HPSE2: variants seen among roughly 807,000 people sequenced by gnomAD.
The protein encoded by HPSE2 is inactive heparanase-2.
A neutral mutation model predicts 60.5 loss-of-function variants in HPSE2; 38 were observed. That is an observed-to-expected ratio of 0.63 (90% CI 0.48 to 0.82). The LOEUF is 0.82. HPSE2 is among the 40% of genes least tolerant of loss of function. The pLI, the probability that HPSE2 is intolerant of heterozygous loss-of-function variation, is 0.00. For missense variants in HPSE2, 713 were observed against 740.4 expected (o/e 0.96, Z 0.43); for synonymous variants, 295 against 293.2 (o/e 1.01, Z -0.06).
intron 6 of HPSE2, among the ~76,000 whole-genome samples, chr10:98,649,127 T>A (rs530142578): frequency 6.6e-6 from 1 of 152,294 alleles, no homozygotes; most frequent in African/African-American, 2.4e-5. Context: ...TTTAAAAAAC[T>A]CAGTGTTTGT....
At chr10:98,908,670 C>T (rs955153078) in intron 3 of HPSE2, among the ~76,000 whole-genome samples, 26 of 102,410 alleles carry the variant, frequency 2.5e-4, no homozygotes, top group African/African-American at 9.1e-4. Flanking sequence ...GCAACAAGAG[C>T]GTAGCTCCAT....
chr10:98,791,129 T>C (rs886278807), intron 3 of HPSE2, among the ~76,000 whole-genome samples: 1 of 152,238 alleles, frequency 6.6e-6, no homozygotes, highest in Non-Finnish European at 1.5e-5. Flanking sequence ...TTTCACAACT[T>C]ATAGCATTGT....
chr10:99,048,331 C>A (rs1312755110), intron 3 of HPSE2: 2 of 384,224 alleles, frequency 5.2e-6, no homozygotes, highest in South Asian at 2.4e-5. Flanking sequence ...TTTTTCTAAG[C>A]TGGTCAGTTA....
intron 3 of HPSE2, among the ~76,000 whole-genome samples, chr10:98,772,245 C>G (rs10883197): frequency 6.6e-6 from 1 of 151,944 alleles, no homozygotes; most frequent in South Asian, 2.1e-4. Context: ...GCATGACATC[C>G]CCAGGGGCAA....
intron 6 of HPSE2, among the ~76,000 whole-genome samples, chr10:98,660,951 G>A (rs980734905): frequency 2.0e-5 from 3 of 152,188 alleles, no homozygotes; most frequent in Non-Finnish European, 4.4e-5. Flanking sequence ...AATTTAAAAT[G>A]TAAAGAGGGA....
At chr10:99,272,340 T>C in the HPSE2 span, among the ~76,000 whole-genome samples, 2 of 150,518 alleles carry the variant, frequency 1.3e-5, no homozygotes, top group South Asian at 2.1e-4. Context: ...GAAGGAAACA[T>C]TGGAAAAACC....
In HPSE2 at chr10:99,015,828, T is replaced by C. The variant is rs374315956; in HGVS notation, c.610+128410A>G. On this transcript the variant is annotated intron_variant, in intron 3 of 11. Coordinates refer to ENST00000370552, the MANE Select transcript of HPSE2 (RefSeq NM_021828.5). ...AAACTTAAAGTATAATTAAAATAAA[T>C]AAATAGATAAAAACTAAAAAAAAAG... Among the ~76,000 whole-genome samples the C allele has an allele frequency of 9.0e-4, 137 of 152,222 alleles. 4 individuals carry two copies. The South Asian group carries it at 0.028, about 31-fold the overall frequency.
At chr10:98,606,554 G>C (rs1329227997) in intron 9 of HPSE2, among the ~76,000 whole-genome samples, 1 of 152,234 alleles carries the variant, frequency 6.6e-6, no homozygotes, top group Non-Finnish European at 1.5e-5. Flanking sequence ...TTTTAGAATA[G>C]AAGGCAGGTC....
At chr10:98,581,078 T>C (rs1248552530) in intron 9 of HPSE2, among the ~76,000 whole-genome samples, 1 of 151,596 alleles carries the variant, frequency 6.6e-6, no homozygotes, top group Non-Finnish European at 1.5e-5. Context: ...GTAGCTGGGA[T>C]TATAGGTGCG....
chr10:99,201,412 G>A (rs1420800283), intron 2 of HPSE2, among the ~76,000 whole-genome samples: 2 of 152,114 alleles, frequency 1.3e-5, no homozygotes, highest in Non-Finnish European at 2.9e-5. Flanking sequence ...GAGGAGCCAT[G>A]AGATAAATCT....
chr10:98,531,035 C>T (rs1398526409), intron 9 of HPSE2, among the ~76,000 whole-genome samples: 6 of 152,160 alleles, frequency 3.9e-5, no homozygotes, highest in African/African-American at 1.4e-4. Context: ...AATATATCTC[C>T]GTGCCAGGCA....
intron 6 of HPSE2, among the ~76,000 whole-genome samples, chr10:98,667,197 G>A (rs1402020691): frequency 6.6e-6 from 1 of 152,098 alleles, no homozygotes; most frequent in Non-Finnish European, 1.5e-5. Flanking sequence ...TAAATTCCTA[G>A]AAGCACACAA....
chr10:98,878,172 G>A (rs1041659880), intron 3 of HPSE2, among the ~76,000 whole-genome samples: 7 of 152,056 alleles, frequency 4.6e-5, no homozygotes, highest in African/African-American at 1.7e-4. Context: ...TGTGATCACT[G>A]AGAAAAGAAA....
At chr10:99,166,818 A>G (rs1422803302) in intron 2 of HPSE2, among the ~76,000 whole-genome samples, 3 of 151,416 alleles carry the variant, frequency 2.0e-5, no homozygotes, top group Non-Finnish European at 4.4e-5. Flanking sequence ...ACTGCACTCC[A>G]GCCTGGTGAC....
At chr10:98,769,900 A>G (rs562399755) in intron 3 of HPSE2, among the ~76,000 whole-genome samples, 1 of 152,338 alleles carries the variant, frequency 6.6e-6, no homozygotes, top group Non-Finnish European at 1.5e-5. Context: ...CACATACAAA[A>G]GCCACACTTT....
the HPSE2 span, among the ~76,000 whole-genome samples, chr10:99,282,727 G>A: frequency 6.6e-6 from 1 of 152,048 alleles, no homozygotes; most frequent in African/African-American, 2.4e-5. Flanking sequence ...ACAAATATCT[G>A]GAAATTAAAT....
intron 3 of HPSE2, among the ~76,000 whole-genome samples, chr10:98,825,686 C>T (rs919851483): frequency 1.5e-4 from 23 of 152,096 alleles, no homozygotes; most frequent in Admixed American, 1.4e-3. Context: ...GGTCTCACTA[C>T]CATTGCTAGG....
chr10:99,273,109 C>T, the HPSE2 span, among the ~76,000 whole-genome samples: 1 of 152,170 alleles, frequency 6.6e-6, no homozygotes, highest in African/African-American at 2.4e-5. Context: ...AAAATAAAGA[C>T]ATTTGCAGCA....
At chr10:99,131,548 A>C (rs1845385358) in intron 3 of HPSE2, among the ~76,000 whole-genome samples, 1 of 152,140 alleles carries the variant, frequency 6.6e-6, no homozygotes, top group Non-Finnish European at 1.5e-5. Context: ...CACACCATGG[A>C]ATACTACTCA....
Sources: allele counts gnomAD v4.1 joint callset (sites outside exome capture counted in the v4.1 genomes callset), GRCh38; gene constraint gnomAD v4.1.1; transcripts MANE v1.5; gene names NCBI Gene and HGNC (gene_info 2026-07-23, HGNC 2026-07-21).